The following CAMK2G variants were observed in gnomAD, a reference collection of about 807,000 sequenced individuals.
CAMK2G encodes calcium/calmodulin-dependent protein kinase type II subunit gamma.
Under a neutral mutation model 88.7 loss-of-function variants are expected in CAMK2G, and 23 were observed. That is an observed-to-expected ratio of 0.26 (90% CI 0.19 to 0.37). The LOEUF (loss-of-function observed/expected upper bound fraction) is 0.37, where lower values mean the gene tolerates loss of function less well. CAMK2G is among the 10% of genes least tolerant of loss of function. The pLI, the probability that CAMK2G is intolerant of heterozygous loss-of-function variation, is 1.00. For synonymous variants in CAMK2G, 263 were observed against 294.8 expected (o/e 0.89, Z 1.11); for missense variants, 476 against 780.8 (o/e 0.61, Z 4.65).
At chr10:73,820,340 AGG>A (rs2087517718) in intron 18 of CAMK2G, among the ~76,000 whole-genome samples, 1 of 151,658 alleles carries the variant, frequency 6.6e-6, no homozygotes, top group African/African-American at 2.4e-5. Context: ...CGGGCCCACC[AGG>A]ACATGACCAA....
At chr10:73,873,249 A>G in intron 1 of CAMK2G, 166 bp from the exon 2 acceptor site, 1 of 1,061,906 alleles carries the variant, frequency 9.4e-7, no homozygotes, top group Non-Finnish European at 1.4e-6. Flanking sequence ...ATGAGGCAAA[A>G]GGACGCGGCC....
chr10:73,842,355 C>A lies in CAMK2G; in HGVS notation c.903+103G>T. On this transcript the variant is annotated intron_variant, in intron 11 of 22. Coordinates refer to ENST00000423381, the MANE Select transcript of CAMK2G (RefSeq NM_001367534.1). The surrounding 1 kb of genome is among the most constrained non-coding windows in gnomAD (Gnocchi z 4.6). ...CTGTGACATGTACAACCTTCAGAGC[C>A]CAGCTCCAGCCAGGAGGGGAGCTTC... 1 of 1,149,072 alleles carries A rather than the reference C, an allele frequency of 8.7e-7. No homozygotes were observed. The highest frequency in any genetic ancestry group is 1.3e-6 in the Non-Finnish European group (1 of 757,816). 71.2% of individuals were successfully genotyped at this position (1,149,072 alleles called of 1,614,324 possible). A position where few individuals can be genotyped will look rare whatever the true frequency, so the allele number is the denominator to read the frequency against.
chr10:73,863,821 G>C (rs909663137), intron 2 of CAMK2G, among the ~76,000 whole-genome samples: 1 of 152,214 alleles, frequency 6.6e-6, no homozygotes, highest in Non-Finnish European at 1.5e-5. Context: ...GTCCTTGTTA[G>C]CCTCTTAGTT....
chr10:73,836,636 C>T (rs1411829411), intron 14 of CAMK2G, among the ~76,000 whole-genome samples: 3 of 152,198 alleles, frequency 2.0e-5, no homozygotes, highest in African/African-American at 7.2e-5. Context: ...TGTATCTCAG[C>T]TGTTGACACA....
In CAMK2G at chr10:73,824,257, G is replaced by C. The variant is rs565433822; in HGVS notation, c.1156-173C>G. 2.6e-5 allele frequency among the ~76,000 whole-genome samples: 4 copies of C among 152,338 alleles called. No individual in the cohort carries two copies. In the South Asian group the frequency reaches 6.2e-4, roughly 24 times the overall value. Reference sequence around the variant, plus strand: ...CCCGGCTCAACTGGGGTCCCGGGCAGCTGGGATAGCCCTGGATTTTGGCAG... The same window carrying C: ...CCCGGCTCAACTGGGGTCCCGGGCACCTGGGATAGCCCTGGATTTTGGCAG... On this transcript the variant is annotated intron_variant, in intron 16 of 22. Coordinates refer to ENST00000423381, the MANE Select transcript of CAMK2G (RefSeq NM_001367534.1).
chr10:73,847,410 T>A (rs2242258), intron 9 of CAMK2G, 63 bp from the exon 10 acceptor site: 1 of 1,569,252 alleles, frequency 6.4e-7, no homozygotes, highest in Non-Finnish European at 8.7e-7. Context: ...GCAACACTGG[T>A]TCTGTCTTCA....
intron 1 of CAMK2G, chr10:73,873,336 C>T: frequency 7.4e-7 from 1 of 1,354,704 alleles, no homozygotes; most frequent in Non-Finnish European, 9.5e-7. Context: ...AAGGCAACAG[C>T]CTCCACCTCA....
intron 14 of CAMK2G, among the ~76,000 whole-genome samples, chr10:73,834,025 T>C (rs2092897007): frequency 6.8e-6 from 1 of 147,006 alleles, no homozygotes; most frequent in Non-Finnish European, 1.5e-5. Context: ...TTCACGCCAT[T>C]CTCCTGCCTC....
intron 21 of CAMK2G, chr10:73,815,778 A>C (rs1565137567): frequency 1.0e-6 from 1 of 984,454 alleles, no homozygotes; most frequent in Non-Finnish European, 1.2e-6. Flanking sequence ...ACCAAAGCTG[A>C]AATAGAATCA....
At chr10:73,831,640 C>T (rs749643707) in intron 14 of CAMK2G, among the ~76,000 whole-genome samples, 9 of 148,972 alleles carry the variant, frequency 6.0e-5, no homozygotes, top group Non-Finnish European at 1.0e-4. Context: ...GAGGTTGAGG[C>T]GGGCAGATCA....
At chr10:73,828,899 C>G in intron 14 of CAMK2G, among the ~76,000 whole-genome samples, 1 of 152,288 alleles carries the variant, frequency 6.6e-6, no homozygotes, top group East Asian at 1.9e-4. Flanking sequence ...ACAGACGCAT[C>G]AAGATGAAGA....
chr10:73,842,300 T>C lies in CAMK2G; in HGVS notation c.904-89A>G. ...GCAAAGGCAGGTCCTGGCTAGAGCC[T>C]GAAGACATCAGGCCTCTGGGCCCCC... On this transcript the variant is annotated intron_variant, in intron 11 of 22. Coordinates refer to ENST00000423381, the MANE Select transcript of CAMK2G (RefSeq NM_001367534.1). This position sits in a 1 kb window ranked among gnomAD's most constrained non-coding sequence, Gnocchi z 4.6. The C allele has an allele frequency of 8.0e-7, 1 of 1,251,882 alleles. No homozygotes were observed. Among genetic ancestry groups the C allele is most frequent in the South Asian group, 1.2e-5 (1 of 83,902 alleles). The allele number at this position is 1,251,882 out of a possible 1,614,324, so 77.5% of individuals were successfully genotyped here.
At chr10:73,818,394 A>G (rs891780317) in intron 19 of CAMK2G, 2 of 300,718 alleles carry the variant, frequency 6.7e-6, no homozygotes, top group African/African-American at 4.3e-5. Context: ...GGCTTCTCTT[A>G]TAGGGAATGC....
At chr10:73,862,100 C>T (rs953144298) in intron 2 of CAMK2G, among the ~76,000 whole-genome samples, 12 of 152,154 alleles carry the variant, frequency 7.9e-5, no homozygotes, top group Admixed American at 4.6e-4. Context: ...AAGTGAGCTG[C>T]GTGGGTCAAT....
chr10:73,872,920 G>C, intron 2 of CAMK2G, 69 bp downstream of exon 2: 1 of 982,278 alleles, frequency 1.0e-6, no homozygotes, highest in Non-Finnish European at 1.7e-6. Flanking sequence ...CAATTCCTGG[G>C]GCTTCCTCAA....
Position 73,842,057 on chromosome 10 carries a change from TC to T in CAMK2G, c.946+111del. ...AAAACAGGATCCTCACTCGCCCTGGTCAAGGTGTGGCCCAGGACGCCGAGGA... is the reference window on the plus strand; with the variant it reads ...AAAACAGGATCCTCACTCGCCCTGGTAAGGTGTGGCCCAGGACGCCGAGGA... On this transcript the variant is annotated intron_variant, in intron 12 of 22. Coordinates refer to ENST00000423381, the MANE Select transcript of CAMK2G (RefSeq NM_001367534.1). The surrounding 1 kb of genome is among the most constrained non-coding windows in gnomAD (Gnocchi z 4.6). 1.2e-6 allele frequency: 1 copy of T among 827,630 alleles called. No homozygotes were observed. The allele number at this position is 827,630 out of a possible 1,614,324, so 51.3% of individuals were successfully genotyped here.
intron 19 of CAMK2G, chr10:73,818,867 G>C (rs1354959828): frequency 2.2e-6 from 1 of 455,786 alleles, no homozygotes; most frequent in Non-Finnish European, 4.4e-6. Context: ...AAAAGCAGCA[G>C]ACAAAGGCAT....
In CAMK2G at chr10:73,874,509, G is replaced by T; in HGVS notation, c.-48C>A. ...CGGTGCAGCCCGCGCCGACGTCGGT[G>T]CACAGTCACCGCCGCCCGGCCGAGG... is the stretch of plus-strand genomic sequence containing the variant. On this transcript the variant is annotated 5_prime_UTR_variant, in exon 1 of 23. Transcript: ENST00000423381. 3 of 1,360,290 alleles carry T rather than the reference G, an allele frequency of 2.2e-6. No individual in the cohort carries two copies. Among genetic ancestry groups the T allele is most frequent in the Non-Finnish European group, 2.9e-6 (3 of 1,023,580 alleles). 84.3% of individuals were successfully genotyped at this position (1,360,290 alleles called of 1,614,324 possible).
chr10:73,858,793 C>G (rs1591126672), intron 3 of CAMK2G, among the ~76,000 whole-genome samples: 1 of 152,204 alleles, frequency 6.6e-6, no homozygotes, highest in African/African-American at 2.4e-5. Context: ...GTATTTAATT[C>G]TAGAAATAAA....
Sources: gnomAD v4.1 joint callset for allele counts (sites outside exome capture counted in the v4.1 genomes callset) on GRCh38, gnomAD v4.1.1 for gene constraint, Gnocchi (gnomAD v3.1) non-coding constraint, MANE v1.5 for transcripts, NCBI Gene and HGNC (gene_info 2026-07-23, HGNC 2026-07-21) for gene names.